WDR70: variants seen among roughly 807,000 people sequenced by gnomAD.
WDR70 encodes the protein WD repeat-containing protein 70.
WDR70 carries 53 observed loss-of-function variants against 88.6 expected under a neutral mutation model. The observed-to-expected ratio is 0.60, with a 90% CI of 0.48 to 0.75. The LOEUF (loss-of-function observed/expected upper bound fraction) is 0.75. Among genes scored for constraint, WDR70 ranks in the 30% least tolerant of loss-of-function variants. WDR70 has a pLI of 0.00. For missense variants in WDR70, 610 were observed against 823.2 expected, an observed-to-expected ratio of 0.74 and a Z score of 3.17; for synonymous variants, 280 against 270.0, an observed-to-expected ratio of 1.04 and a Z score of -0.36.
chr5:37,722,293 C>T (rs1747844583), intron 14 of WDR70: 1 of 152,222 alleles, frequency 6.6e-6, no homozygotes, highest in African/African-American at 2.4e-5. Context: ...TTTGTATTTG[C>T]TTCTCTTGAA....
At chr5:37,561,968 C>A (rs576486668) in intron 9 of WDR70, among the ~76,000 whole-genome samples, 1 of 152,316 alleles carries the variant, frequency 6.6e-6, no homozygotes, top group African/African-American at 2.4e-5. Context: ...TTCCATGATG[C>A]TGTCTCATGG....
chr5:37,564,119 G>A (rs1455949998), intron 9 of WDR70, among the ~76,000 whole-genome samples: 7 of 150,094 alleles, frequency 4.7e-5, no homozygotes, highest in East Asian at 2.0e-4. Flanking sequence ...CTTCCCAGAC[G>A]GGGTGGCGGC....
intron 10 of WDR70, among the ~76,000 whole-genome samples, chr5:37,630,172 C>T (rs1330063020): frequency 6.6e-6 from 1 of 152,138 alleles, no homozygotes; most frequent in Non-Finnish European, 1.5e-5. Flanking sequence ...CACAGTGGGT[C>T]AGGCAGCTTG....
intron 9 of WDR70, among the ~76,000 whole-genome samples, chr5:37,520,596 G>A (rs541784740): frequency 1.3e-4 from 20 of 152,204 alleles, no homozygotes; most frequent in African/African-American, 4.8e-4. Flanking sequence ...GCATGACTAG[G>A]TAAGGTTTAT....
intron 9 of WDR70, among the ~76,000 whole-genome samples, chr5:37,525,742 A>G (rs1490637797): frequency 6.6e-6 from 1 of 152,358 alleles, no homozygotes; most frequent in East Asian, 1.9e-4. Flanking sequence ...AGCAAGACTA[A>G]TAAAAGAAGA....
At chr5:37,709,085 C>T (rs1943313051) in intron 13 of WDR70, among the ~76,000 whole-genome samples, 1 of 152,198 alleles carries the variant, frequency 6.6e-6, no homozygotes, top group African/African-American at 2.4e-5. Flanking sequence ...AGAACTTGAG[C>T]TATCAGCACT....
chr5:37,551,554 C>T (rs1037795639), intron 9 of WDR70, among the ~76,000 whole-genome samples: 4 of 151,586 alleles, frequency 2.6e-5, no homozygotes, highest in African/African-American at 4.8e-5. Context: ...ATGGTGAAAC[C>T]CTGTCTCTAC....
At position 37,563,285 on chromosome 5, in the gene WDR70, G is replaced by A. The variant is rs1335130283; in HGVS notation, c.918-41779G>A. ...GCGCCCCTCACTTTCCGGATGGGGC[G>A]GCTGGCCGGGCGGGGGGCTGGCCCC... On this transcript the variant is annotated intron_variant, in intron 9 of 17. Transcript: ENST00000265107. 1.4e-4 allele frequency among the ~76,000 whole-genome samples: 8 copies of A among 55,722 alleles called. 3 individuals carry two copies. Among genetic ancestry groups the A allele is most frequent in the Non-Finnish European group, 3.0e-4 (8 of 26,936 alleles). The allele number at this position is 55,722 out of a possible 152,430, so 36.6% of individuals were successfully genotyped here. A position where few individuals can be genotyped will look rare whatever the true frequency, so the allele number is the denominator to read the frequency against.
At chr5:37,650,897 G>C (rs891738988) in intron 10 of WDR70, among the ~76,000 whole-genome samples, 1 of 151,430 alleles carries the variant, frequency 6.6e-6, no homozygotes, top group Admixed American at 6.6e-5. Context: ...TTAAAATTCT[G>C]CCTTGAAATG....
At chr5:37,648,819 T>C (rs1745313565) in intron 10 of WDR70, among the ~76,000 whole-genome samples, 1 of 152,236 alleles carries the variant, frequency 6.6e-6, no homozygotes, top group Non-Finnish European at 1.5e-5. Context: ...AAAATGTTCA[T>C]TTGGAGCAAG....
At chr5:37,509,465 A>G (rs1373280635) in intron 8 of WDR70, among the ~76,000 whole-genome samples, 1 of 151,888 alleles carries the variant, frequency 6.6e-6, no homozygotes, top group African/African-American at 2.4e-5. Context: ...GCCTCAAGTG[A>G]TCCTCCCACC....
chr5:37,734,493 G>A (rs1338023633), intron 17 of WDR70, among the ~76,000 whole-genome samples: 1 of 152,014 alleles, frequency 6.6e-6, no homozygotes, highest in Admixed American at 6.6e-5. Flanking sequence ...GAGCTTATAT[G>A]CTAGTAGAGA....
At chr5:37,620,307 G>A (rs922495788) in intron 10 of WDR70, among the ~76,000 whole-genome samples, 3 of 152,010 alleles carry the variant, frequency 2.0e-5, no homozygotes, top group Non-Finnish European at 2.9e-5. Flanking sequence ...TTGCCATCAA[G>A]GTTTTGACCT....
intron 9 of WDR70, among the ~76,000 whole-genome samples, chr5:37,530,998 C>CTG (rs201022064): frequency 0.013 from 2,016 of 152,034 alleles, 45 homozygotes; most frequent in African/African-American, 0.046. Context: ...GGTTGTGTCA[C>CTG]TGTCATTCAG....
intron 10 of WDR70, among the ~76,000 whole-genome samples, chr5:37,615,173 T>C (rs940446819): frequency 6.6e-6 from 1 of 151,986 alleles, no homozygotes; most frequent in Admixed American, 6.6e-5. Context: ...AGAAAAAAGA[T>C]AGGAGACTTA....
chr5:37,593,449 T>C (rs1743600719), intron 9 of WDR70, among the ~76,000 whole-genome samples: 1 of 152,224 alleles, frequency 6.6e-6, no homozygotes, highest in Non-Finnish European at 1.5e-5. Context: ...GGTTTCCAGC[T>C]GCATCCATGC....
At chr5:37,419,351 G>A (rs928659076) in intron 5 of WDR70, among the ~76,000 whole-genome samples, 2 of 151,012 alleles carry the variant, frequency 1.3e-5, no homozygotes, top group Non-Finnish European at 3.0e-5. Context: ...GTTTATAGGC[G>A]CCTGCCACCG....
intron 10 of WDR70, among the ~76,000 whole-genome samples, chr5:37,689,062 C>A (rs1310030949): frequency 6.6e-6 from 1 of 152,172 alleles, no homozygotes; most frequent in African/African-American, 2.4e-5. Flanking sequence ...GGGTCCCACA[C>A]CCACACAGCC....
chr5:37,573,558 G>A (rs1429392651), intron 9 of WDR70, among the ~76,000 whole-genome samples: 2 of 128,338 alleles, frequency 1.6e-5, no homozygotes, highest in Non-Finnish European at 3.1e-5. Flanking sequence ...AGCCCCCAGT[G>A]TGTGATGTGC....
Sources: allele counts gnomAD v4.1 joint callset (sites outside exome capture counted in the v4.1 genomes callset), GRCh38; gene constraint gnomAD v4.1.1; transcripts MANE v1.5; gene names NCBI Gene and HGNC (gene_info 2026-07-23, HGNC 2026-07-21).